Variants in ELP1 observed in about 807,000 individuals in gnomAD.
ELP1 encodes elongator acetyltransferase complex subunit 1, also known as elongator complex protein 1.
In ELP1, 131 loss-of-function variants were observed where a neutral mutation model predicts 183.2. That is an observed-to-expected ratio of 0.72 (90% CI 0.62 to 0.83). The LOEUF is 0.83. Among genes scored for constraint, ELP1 ranks in the 40% least tolerant of loss-of-function variants. The probability of loss-of-function intolerance (pLI) is 0.00; values close to 1 mark genes in which losing one functional copy is unlikely to be tolerated. For missense variants in ELP1, 1,550 were observed against 1,594.9 expected (o/e 0.97, Z 0.48); for synonymous variants, 555 against 569.0 (o/e 0.98, Z 0.35).
Position 108,915,017 on chromosome 9 carries a change from T to C in ELP1, c.958+1187A>G, listed in dbSNP as rs529980175. On this transcript the variant is annotated intron_variant, in intron 10 of 36. Coordinates refer to ENST00000374647, the MANE Select transcript of ELP1 (RefSeq NM_003640.5). ...CTAGAAGACAAGAAAATTTGAATAG[T>C]GATTATTACGAAGTGGTAGAACTAT... is the stretch of plus-strand genomic sequence containing the variant. Among the ~76,000 whole-genome samples the C allele has an allele frequency of 1.4e-4, 22 of 152,330 alleles. No individual in the cohort carries two copies. The South Asian group carries it at 3.7e-3, about 26-fold the overall frequency.
chr9:108,922,712 T>C, intron 6 of ELP1, 130 bp downstream of exon 6: 2 of 754,650 alleles, frequency 2.7e-6, no homozygotes, highest in Non-Finnish European at 4.8e-6. Flanking sequence ...CTGAAGGTTC[T>C]AGGCAGTTTT....
chr9:108,924,439 C>G (rs910962017), intron 5 of ELP1, among the ~76,000 whole-genome samples: 10 of 151,470 alleles, frequency 6.6e-5, no homozygotes, highest in Non-Finnish European at 1.5e-4. Flanking sequence ...AAGATCTTAA[C>G]TTGGCCTACA....
intron 27 of ELP1, among the ~76,000 whole-genome samples, chr9:108,892,667 A>T (rs901327776): frequency 6.6e-6 from 1 of 152,268 alleles, no homozygotes; most frequent in African/African-American, 2.4e-5. Flanking sequence ...TCAAGCAAAC[A>T]AAAATTTCCC....
At chr9:108,894,554 C>T (rs1004468888) in intron 25 of ELP1, among the ~76,000 whole-genome samples, 5 of 152,172 alleles carry the variant, frequency 3.3e-5, no homozygotes, top group African/African-American at 1.2e-4. Flanking sequence ...CTTTCACATA[C>T]GGATATTAAT....
chr9:108,914,422 G>GGGC (rs1554700058), intron 10 of ELP1, among the ~76,000 whole-genome samples: 111 of 137,112 alleles, frequency 8.1e-4, no homozygotes, highest in South Asian at 3.6e-3. Flanking sequence ...AAGGGGGGGG[G>GGGC]GGTTCTACTG....
chr9:108,914,214 G>A (rs974630192), intron 10 of ELP1, among the ~76,000 whole-genome samples: 5 of 151,776 alleles, frequency 3.3e-5, no homozygotes, highest in South Asian at 2.1e-4. Flanking sequence ...CCTGGCTAAC[G>A]CGGTGAAACC....
intron 14 of ELP1, 111 bp from the exon 15 acceptor site, chr9:108,903,780 T>C (rs1828910501): frequency 1.3e-6 from 1 of 748,606 alleles, no homozygotes; most frequent in Admixed American, 1.9e-5. Context: ...ACTACCTACT[T>C]CAATACAATG....
chr9:108,912,200 A>G (rs1829248737), intron 11 of ELP1, 64 bp downstream of exon 11: 1 of 1,241,118 alleles, frequency 8.1e-7, no homozygotes, highest in South Asian at 1.2e-5. Context: ...TCAAACCACC[A>G]CATCTGCAGG....
At position 108,894,002 on chromosome 9, in the gene ELP1, A is replaced by C. The variant is rs776891269; in HGVS notation, c.2801T>G (p.Phe934Cys). Residue 934 changes from phenylalanine (F) to cysteine (C), a missense_variant, in exon 26 of 37, where the codon TTT (phenylalanine) becomes TGT (cysteine). Phe to Cys is a radical substitution (Grantham distance 205). Transcript: ENST00000374647. The stretch of plus-strand genomic sequence containing the variant: ...TCGTTTCAAGTATTTGTCTATAGTA[A>C]ACCGCTGATAATTAGTTTCCATTTT... ...LKKMETNYQR[F>C]TIDKYLKRYE... 16 of 1,603,968 alleles carry C rather than the reference A, an allele frequency of 1.0e-5. No individual in the cohort carries two copies. The highest frequency in any genetic ancestry group is 1.2e-5 in the Non-Finnish European group (14 of 1,170,852).
chr9:108,898,164 T>G (rs981790191), intron 22 of ELP1, among the ~76,000 whole-genome samples: 1 of 152,232 alleles, frequency 6.6e-6, no homozygotes, highest in Non-Finnish European at 1.5e-5. Context: ...TTTCTCTATT[T>G]TGAAAGTGTT....
intron 18 of ELP1, among the ~76,000 whole-genome samples, chr9:108,901,104 T>G (rs745687220): frequency 3.3e-5 from 5 of 152,038 alleles, no homozygotes; most frequent in Non-Finnish European, 7.4e-5. Flanking sequence ...ACACAGAAGG[T>G]AAAACATTGG....
intron 2 of ELP1, among the ~76,000 whole-genome samples, 182 bp downstream of exon 2, chr9:108,930,814 GA>G: frequency 6.6e-6 from 1 of 151,962 alleles, no homozygotes; most frequent in African/African-American, 2.4e-5. Context: ...AATAGCAGCA[GA>G]GTTAAAGAAG....
intron 36 of ELP1, among the ~76,000 whole-genome samples, chr9:108,870,042 C>T (rs1827386426): frequency 6.6e-6 from 1 of 152,026 alleles, no homozygotes; most frequent in South Asian, 2.1e-4. Context: ...GTGGCACGAT[C>T]ATGACTCACT....
chr9:108,928,026 G>C (rs1192635966), intron 3 of ELP1, among the ~76,000 whole-genome samples: 1 of 152,152 alleles, frequency 6.6e-6, no homozygotes, highest in East Asian at 1.9e-4. Context: ...ATAACTAAAA[G>C]ACTGTAATTG....
intron 12 of ELP1, among the ~76,000 whole-genome samples, chr9:108,910,365 G>C (rs1198460597): frequency 1.3e-5 from 2 of 152,136 alleles, no homozygotes; most frequent in East Asian, 3.8e-4. Context: ...CAACTATCTA[G>C]GCTTTTTCTG....
rs11791215 is a variant in ELP1, at chr9:108,911,300, T to C, written c.1190-120A>G. ...CAATTCACAAAAAAATAACTTTCAA[T>C]GTTTTTCTCAGGAACAAGTCTAAAA... is the stretch of plus-strand genomic sequence containing the variant. On this transcript the variant is annotated intron_variant, in intron 11 of 36. Transcript: ENST00000374647. 0.097 allele frequency: 96,311 copies of C among 992,562 alleles called. 5,597 individuals carry two copies. The highest frequency in any genetic ancestry group is 0.12 in the Non-Finnish European group (75,749 of 642,446). The allele number at this position is 992,562 out of a possible 1,614,324, so 61.5% of individuals were successfully genotyped here.
In ELP1 at chr9:108,912,461, T is replaced by TA; in HGVS notation, c.991dup (p.Tyr331LeufsTer42). 5.6e-6 allele frequency: 9 copies of TA among 1,614,024 alleles called. No individual in the cohort carries two copies. Among genetic ancestry groups the TA allele is most frequent in the Non-Finnish European group, 7.6e-6 (9 of 1,179,968 alleles). On this transcript the variant is annotated frameshift_variant, in exon 11 of 37. Coordinates refer to ENST00000374647, the MANE Select transcript of ELP1 (RefSeq NM_003640.5). LOFTEE classifies it high-confidence loss of function. Reference sequence around the variant, plus strand: ...GCTGAAGGATAAACTTTGCTTGAGATACCAGTGATAGTTTCCAACAGTCCA... The same window carrying TA: ...GCTGAAGGATAAACTTTGCTTGAGATAACCAGTGATAGTTTCCAACAGTCCA...
chr9:108,902,455 AGCCACT>A, intron 16 of ELP1, among the ~76,000 whole-genome samples: 1 of 152,358 alleles, frequency 6.6e-6, no homozygotes, highest in South Asian at 2.1e-4. Context: ...TTTGTTTTCC[AGCCACT>A]GCATTCTACC....
intron 28 of ELP1, among the ~76,000 whole-genome samples, chr9:108,890,047 T>G (rs1338877115): frequency 6.6e-6 from 1 of 152,118 alleles, no homozygotes; most frequent in Non-Finnish European, 1.5e-5. Context: ...GCTAAACATC[T>G]GAGAAAAACT....
Sources: gnomAD v4.1 joint callset for allele counts (sites outside exome capture counted in the v4.1 genomes callset) on GRCh38, gnomAD v4.1.1 for gene constraint, MANE v1.5 for transcripts, NCBI Gene and HGNC (gene_info 2026-07-23, HGNC 2026-07-21) for gene names.